Variants in SRGAP3 observed in about 807,000 individuals in gnomAD.
The protein encoded by SRGAP3 is SLIT-ROBO Rho GTPase activating protein 3, also known as SLIT-ROBO Rho GTPase-activating protein 3.
SRGAP3 carries 39 observed loss-of-function variants against 121.1 expected under a neutral mutation model. The ratio of observed to expected loss-of-function variants is 0.32; its 90% CI spans 0.25 to 0.42. The LOEUF (loss-of-function observed/expected upper bound fraction) is 0.42, where lower values mean the gene tolerates loss of function less well. Ranked by LOEUF, SRGAP3 falls within the 10% of genes least tolerant of loss-of-function variation. The pLI is 1.00. For synonymous variants in SRGAP3, 601 were observed against 570.0 expected, an observed-to-expected ratio of 1.05 and a Z score of -0.77; for missense variants, 1,213 against 1,470.6, an observed-to-expected ratio of 0.82 and a Z score of 2.86.
At chr3:9,191,464 G>A (rs559954976) in intron 1 of SRGAP3, among the ~76,000 whole-genome samples, 1 of 152,256 alleles carries the variant, frequency 6.6e-6, no homozygotes, top group East Asian at 1.9e-4. Flanking sequence ...CACAAATTAC[G>A]GCACGCATTG....
chr3:9,180,717 A>G (rs1018779889), intron 1 of SRGAP3, among the ~76,000 whole-genome samples: 1 of 152,226 alleles, frequency 6.6e-6, no homozygotes, highest in Non-Finnish European at 1.5e-5. Flanking sequence ...TCTCCTGGCC[A>G]GGGCAATTCC....
At chr3:8,997,957 T>C (rs1942511866) in intron 18 of SRGAP3, among the ~76,000 whole-genome samples, 1 of 151,736 alleles carries the variant, frequency 6.6e-6, no homozygotes, top group African/African-American at 2.4e-5. Flanking sequence ...CATGACTCAC[T>C]GCAACTTGAA....
chr3:9,209,733 TG>T (rs1218016883), intron 1 of SRGAP3, among the ~76,000 whole-genome samples: 2 of 152,184 alleles, frequency 1.3e-5, no homozygotes, highest in Non-Finnish European at 2.9e-5. Context: ...CCAAGTAAAT[TG>T]CCACCAATGG....
intron 3 of SRGAP3, among the ~76,000 whole-genome samples, chr3:9,278,941 T>C (rs1265023756): frequency 2.6e-5 from 4 of 152,188 alleles, no homozygotes; most frequent in Non-Finnish European, 5.9e-5. Flanking sequence ...TTTTAAATAG[T>C]AGCCCCCACC....
intron 3 of SRGAP3, among the ~76,000 whole-genome samples, chr3:9,315,758 G>A (rs1258673069): frequency 6.6e-6 from 1 of 152,016 alleles, no homozygotes; most frequent in Admixed American, 6.6e-5. Context: ...CTGAAAATGT[G>A]AGCGCCTAAA....
At chr3:9,252,079 C>T (rs1954030376), upstream of SRGAP3, among the ~76,000 whole-genome samples, 1 of 152,080 alleles carries the variant, frequency 6.6e-6, no homozygotes, top group South Asian at 2.1e-4. Context: ...GGGGATGGAT[C>T]CCTCAGGAAT....
In SRGAP3 at chr3:9,141,553, G is replaced by GTGT. The variant is rs1949847755; in HGVS notation, c.68-16637_68-16636insACA. Reference sequence around the variant, plus strand: ...GAAACAAGAAGGATCTGACTTCAGGGGTGTGTGTGTGTGTGTGTGTGTGTG... The same window carrying GTGT: ...GAAACAAGAAGGATCTGACTTCAGGGTGTGTGTGTGTGTGTGTGTGTGTGTGTG... On this transcript the variant is annotated intron_variant, in intron 1 of 21. Transcript: ENST00000383836. Among the ~76,000 whole-genome samples, 1,275 of 138,442 alleles carry GTGT rather than the reference G, an allele frequency of 9.2e-3. 28 individuals carry two copies. The highest frequency in any genetic ancestry group is 0.033 in the African/African-American group (1,219 of 36,450). 90.8% of individuals were successfully genotyped at this position (138,442 alleles called of 152,430 possible).
chr3:9,045,948 G>A (rs907761559), intron 10 of SRGAP3, among the ~76,000 whole-genome samples: 4 of 151,874 alleles, frequency 2.6e-5, no homozygotes, highest in African/African-American at 9.7e-5. Context: ...CTCCACTCTT[G>A]GACTCTCTCC....
At chr3:9,111,433 C>T (rs545206695) in intron 2 of SRGAP3, among the ~76,000 whole-genome samples, 2 of 152,340 alleles carry the variant, frequency 1.3e-5, no homozygotes, top group African/African-American at 4.8e-5. Context: ...AAAGGCGCCT[C>T]AGGGCGGAGA....
At chr3:9,026,155 C>T (rs1199962330) in intron 13 of SRGAP3, among the ~76,000 whole-genome samples, 2 of 152,158 alleles carry the variant, frequency 1.3e-5, no homozygotes, top group Non-Finnish European at 2.9e-5. Flanking sequence ...TGCTTCTACT[C>T]GGTATTACTT....
At chr3:9,243,458 A>T (rs1166323554) in intron 1 of SRGAP3, among the ~76,000 whole-genome samples, 1 of 152,086 alleles carries the variant, frequency 6.6e-6, no homozygotes, top group Non-Finnish European at 1.5e-5. Flanking sequence ...AACATGGTGA[A>T]ACCCCGTCTC....
At chr3:9,181,717 A>G (rs1245261157) in intron 1 of SRGAP3, among the ~76,000 whole-genome samples, 1 of 152,112 alleles carries the variant, frequency 6.6e-6, no homozygotes. Context: ...CCAGCCAGAG[A>G]AAGTTATCAT....
chr3:9,247,953 C>G (rs1201037074), intron 1 of SRGAP3, among the ~76,000 whole-genome samples: 2 of 152,202 alleles, frequency 1.3e-5, no homozygotes, highest in African/African-American at 4.8e-5. Flanking sequence ...CCCAGTCTGG[C>G]CTGAATGAGG....
chr3:9,183,559 A>G (rs1473225900), intron 1 of SRGAP3, among the ~76,000 whole-genome samples: 3 of 152,130 alleles, frequency 2.0e-5, no homozygotes, highest in South Asian at 2.1e-4. Context: ...ACACAGCACA[A>G]TGTTAACAGT....
chr3:9,073,396 T>C (rs544263804), intron 4 of SRGAP3, among the ~76,000 whole-genome samples: 15 of 152,362 alleles, frequency 9.8e-5, no homozygotes, highest in African/African-American at 3.6e-4. Context: ...CTGCCTGACT[T>C]GGCCTCCCAA....
At chr3:8,995,057 T>A (rs758696694) in intron 18 of SRGAP3, among the ~76,000 whole-genome samples, 1 of 152,178 alleles carries the variant, frequency 6.6e-6, no homozygotes, top group Admixed American at 6.5e-5. Context: ...CAAATCTATA[T>A]GTTGAAGCCC....
At chr3:9,357,374 A>C (rs2030571338) in intron 1 of SRGAP3, among the ~76,000 whole-genome samples, 2 of 152,238 alleles carry the variant, frequency 1.3e-5, no homozygotes, top group African/African-American at 4.8e-5. Context: ...ATTTCTCAAC[A>C]ACGAAAGACA....
intron 1 of SRGAP3, among the ~76,000 whole-genome samples, chr3:9,205,800 A>G: frequency 6.6e-6 from 1 of 152,246 alleles, no homozygotes; most frequent in Non-Finnish European, 1.5e-5. Context: ...CAACCTTAAA[A>G]AGAAAGGAAA....
intron 7 of SRGAP3, 92 bp downstream of exon 7, chr3:9,058,159 C>T: frequency 7.0e-7 from 1 of 1,428,858 alleles, no homozygotes; most frequent in Non-Finnish European, 9.9e-7. Flanking sequence ...CGGATAGAAA[C>T]TTTCTGTACG....
Sources: gnomAD v4.1 joint callset for allele counts (sites outside exome capture counted in the v4.1 genomes callset) on GRCh38, gnomAD v4.1.1 for gene constraint, MANE v1.5 for transcripts, NCBI Gene and HGNC (gene_info 2026-07-23, HGNC 2026-07-21) for gene names.